The following C19orf33 variants were observed in gnomAD, a reference collection of about 807,000 sequenced individuals.
C19orf33 encodes the protein immortalization up-regulated protein.
A neutral mutation model predicts 9.7 loss-of-function variants in C19orf33; 9 were observed. The ratio of observed to expected loss-of-function variants is 0.93; its 90% confidence interval spans 0.56 to 1.61. The LOEUF (loss-of-function observed/expected upper bound fraction) is 1.61, where lower values mean the gene tolerates loss of function less well. Ranked by LOEUF, C19orf33 falls within the 40% of genes most tolerant of loss-of-function variation. The probability of loss-of-function intolerance (pLI) is 0.00; values close to 1 mark genes in which losing one functional copy is unlikely to be tolerated. For synonymous variants in C19orf33, 61 were observed against 54.8 expected, an observed-to-expected ratio of 1.11 and a Z score of -0.50; for missense variants, 145 against 137.9, an observed-to-expected ratio of 1.05 and a Z score of -0.26.
intron 3 of C19orf33, 73 bp downstream of exon 3, chr19:38,304,759 C>CG (rs1047335863): frequency 6.2e-7 from 1 of 1,611,308 alleles, no homozygotes; most frequent in African/African-American, 1.3e-5. Context: ...CTGGGGCTGG[C>CG]GGGGAGGGTG....
intron 1 of C19orf33, 29 bp from the exon 2 acceptor site, chr19:38,304,346 T>C: frequency 6.2e-7 from 1 of 1,608,866 alleles, no homozygotes; most frequent in Non-Finnish European, 8.5e-7. Flanking sequence ...AGAAGCTGCC[T>C]GCACCAACCA....
chr19:38,304,506 A>ACCTT lies in C19orf33; in HGVS notation c.138+18_138+19insTTCC. 6.4e-7 allele frequency: 1 copy of ACCTT among 1,561,276 alleles called. No homozygotes were observed. ...GGGTCCAAAGGTAAGTCGCCTCATCACCGGCTGCGGAGGGGCGGGAAGGCT... is the reference window on the plus strand; with the variant it reads ...GGGTCCAAAGGTAAGTCGCCTCATCACCTTCCGGCTGCGGAGGGGCGGGAAGGCT... On this transcript the variant is annotated intron_variant, in intron 2 of 3. Transcript: ENST00000301246.
Position 38,304,406 on chromosome 19 carries a change from G to C in C19orf33, c.54G>C (p.Val18=), listed in dbSNP as rs780165916. The change falls in exon 2 of 4, where the codon GTG becomes GTC. Residue 18 remains valine (V), a synonymous_variant. Transcript: ENST00000301246. ...AGCCCACCTCCCAGAAGCCCGGTGTGGGGGCGGGCCACGGGGGAGATCCCA... is the reference window on the plus strand; with the variant it reads ...AGCCCACCTCCCAGAAGCCCGGTGTCGGGGCGGGCCACGGGGGAGATCCCA... ...ALEPTSQKPG[V]GAGHGGDPKL... The C allele has an allele frequency of 2.5e-6, 4 of 1,570,224 alleles. No homozygotes were observed. The highest frequency in any genetic ancestry group is 1.7e-6 in the Non-Finnish European group (2 of 1,158,400).
At position 38,304,872 on chromosome 19, in the gene C19orf33, G is replaced by A; in HGVS notation, c.229G>A (p.Glu77Lys). 1.2e-6 allele frequency: 2 copies of A among 1,613,678 alleles called. No homozygotes were observed. Among genetic ancestry groups the A allele is most frequent in the Non-Finnish European group, 1.7e-6 (2 of 1,179,990 alleles). ...CCACGCTGCTGGCTCCAAGCAGCAC[G>A]AGAGCATCCCGGGCAAGGCCAAGAA... is the stretch of plus-strand genomic sequence containing the variant. ...KSHAAGSKQH[E>K]SIPGKAKKPK... Residue 77 changes from glutamate to lysine, a missense_variant, in exon 4 of 4, where the codon GAG becomes AAG. Glu to Lys is a moderately conservative substitution (Grantham distance 56, BLOSUM62 1). Transcript: ENST00000301246.
chr19:38,304,706 G>T lies in C19orf33; in HGVS notation c.201+20G>T, dbSNP rs751704113. On this transcript the variant is annotated intron_variant, in intron 3 of 3. Transcript: ENST00000301246. The stretch of plus-strand genomic sequence containing the variant: ...GTGAAGGTAAGGGGCTCTCGCCAGC[G>T]TCCCCAAGCACGTGCCCTGCACCCC... The T allele has an allele frequency of 1.9e-6, 3 of 1,613,526 alleles. No individual in the cohort carries two copies. Among genetic ancestry groups the T allele is most frequent in the Non-Finnish European group, 2.5e-6 (3 of 1,179,964 alleles).
In C19orf33 at chr19:38,304,594, G is replaced by A. The variant is rs372833508; in HGVS notation, c.139-30G>A. ...CCAACTTCAGGGGGCTGGGTAAGGGGCGCCGCCTCACTGCCGCACCTCCAT... is the reference window on the plus strand; with the variant it reads ...CCAACTTCAGGGGGCTGGGTAAGGGACGCCGCCTCACTGCCGCACCTCCAT... On this transcript the variant is annotated intron_variant, in intron 2 of 3. Coordinates refer to ENST00000301246, the MANE Select transcript of C19orf33 (RefSeq NM_033520.3). The A allele has an allele frequency of 3.0e-5, 48 of 1,612,628 alleles. No homozygotes were observed. In the African/African-American group the frequency reaches 6.0e-4, roughly 20 times the overall value.
chr19:38,304,945 A>AG lies in C19orf33; in HGVS notation c.303dup (p.Lys102GlufsTer?), dbSNP rs756436068. Reference sequence around the variant, plus strand: ...AAGGGCAAGAAGGAGAAGGGCAAGAAGAAGGAGGCTCCCCACTGAAGGGCC... The same window carrying AG: ...AAGGGCAAGAAGGAGAAGGGCAAGAAGGAAGGAGGCTCCCCACTGAAGGGCC... On this transcript the variant is annotated frameshift_variant, in exon 4 of 4. Transcript: ENST00000301246. LOFTEE classifies it high-confidence loss of function. The AG allele has an allele frequency of 1.9e-6, 3 of 1,610,526 alleles. No homozygotes were observed. Among genetic ancestry groups the AG allele is most frequent in the South Asian group, 1.1e-5 (1 of 90,680 alleles).
chr19:38,304,454 G>C lies in C19orf33; in HGVS notation c.102G>C (p.Gln34His). 1 of 1,556,710 alleles carries C rather than the reference G, an allele frequency of 6.4e-7. No homozygotes were observed. Among genetic ancestry groups the C allele is most frequent in the East Asian group, 2.4e-5 (1 of 41,644 alleles). The stretch of plus-strand genomic sequence containing the variant: ...CCAAGCTCAGTCCCCACAAAGTTCA[G>C]GGCCGGTCGGAGGCAGGGGCAGGTC... Reference protein sequence around the residue: ...GDPKLSPHKVQGRSEAGAGPG... With the variant: ...GDPKLSPHKVHGRSEAGAGPG... Residue 34 changes from glutamine (Q) to histidine (H), a missense_variant, in exon 2 of 4, where the codon CAG becomes CAC. By Grantham distance (24) the Gln-to-His change is conservative. Transcript: ENST00000301246.
rs894171155 is a variant in C19orf33, at chr19:38,304,699, C to G, written c.201+13C>G. The G allele has an allele frequency of 3.1e-6, 5 of 1,613,648 alleles. No individual in the cohort carries two copies. Among genetic ancestry groups the G allele is most frequent in the Non-Finnish European group, 3.4e-6 (4 of 1,179,972 alleles). On this transcript the variant is annotated intron_variant, in intron 3 of 3. Coordinates refer to ENST00000301246, the MANE Select transcript of C19orf33 (RefSeq NM_033520.3). ...CACGGATGTGAAGGTAAGGGGCTCT[C>G]GCCAGCGTCCCCAAGCACGTGCCCT... is the stretch of plus-strand genomic sequence containing the variant.
chr19:38,304,343 G>T, intron 1 of C19orf33, 32 bp from the exon 2 acceptor site: 1 of 1,609,766 alleles, frequency 6.2e-7, no homozygotes, highest in Non-Finnish European at 8.5e-7. Flanking sequence ...CCCAGAAGCT[G>T]CCTGCACCAA....
chr19:38,304,522 C>A (rs1215501983), intron 2 of C19orf33, 32 bp downstream of exon 2: 1 of 1,567,480 alleles, frequency 6.4e-7, no homozygotes, highest in Non-Finnish European at 8.6e-7. Flanking sequence ...TGCGGAGGGG[C>A]GGGAAGGCTG....
At chr19:38,304,784 CCT>C (rs1328692189) in intron 3 of C19orf33, 59 bp from the exon 4 acceptor site, 34 of 1,612,564 alleles carry the variant, frequency 2.1e-5, no homozygotes, top group East Asian at 1.1e-4. Context: ...GAGTGGTCCC[CCT>C]GTCTCGCTTC....
At position 38,304,365 on chromosome 19, in the gene C19orf33, C is replaced by G; in HGVS notation, c.23-10C>G. ...GCTGCCTGCACCAACCACCCAACTT[C>G]TCTCCACAGCCCTGGAGCCCACCTC... On this transcript the variant is annotated splice_polypyrimidine_tract_variant and intron_variant, in intron 1 of 3. Coordinates refer to ENST00000301246, the MANE Select transcript of C19orf33 (RefSeq NM_033520.3). 6.3e-7 allele frequency: 1 copy of G among 1,598,346 alleles called. No individual in the cohort carries two copies. The highest frequency in any genetic ancestry group is 8.5e-7 in the Non-Finnish European group (1 of 1,173,666).
chr19:38,304,750 T>C, intron 3 of C19orf33, 64 bp downstream of exon 3: 1 of 1,611,076 alleles, frequency 6.2e-7, no homozygotes, highest in Middle Eastern at 1.7e-4. Context: ...GTCCCCGCAC[T>C]GGGGCTGGCG....
At position 38,304,864 on chromosome 19, in the gene C19orf33, A is replaced by G. The variant is rs575882929; in HGVS notation, c.221A>G (p.Lys74Arg). The G allele has an allele frequency of 4.3e-6, 7 of 1,613,738 alleles. No homozygotes were observed. In the African/African-American group the frequency reaches 6.7e-5, roughly 15 times the overall value. The stretch of plus-strand genomic sequence containing the variant: ...CCACAGTCCCACGCTGCTGGCTCCA[A>G]GCAGCACGAGAGCATCCCGGGCAAG... The part of the protein sequence containing the change: ...TDVKSHAAGS[K>R]QHESIPGKAK... The change falls in exon 4 of 4, where the codon AAG becomes AGG. Residue 74 changes from lysine to arginine, a missense_variant. Transcript: ENST00000301246.
chr19:38,304,462 C>T lies in C19orf33; in HGVS notation c.110C>T (p.Ser37Leu), dbSNP rs373145066. 2.6e-6 allele frequency: 4 copies of T among 1,555,976 alleles called. No homozygotes were observed. The highest frequency in any genetic ancestry group is 2.7e-5 in the African/African-American group (2 of 73,506). Residue 37 changes from serine (S) to leucine (L), a missense_variant, in exon 2 of 4, where the codon TCG becomes TTG. Transcript: ENST00000301246. ...AGTCCCCACAAAGTTCAGGGCCGGTCGGAGGCAGGGGCAGGTCCGGGTCCA... is the reference window on the plus strand; with the variant it reads ...AGTCCCCACAAAGTTCAGGGCCGGTTGGAGGCAGGGGCAGGTCCGGGTCCA... ...KLSPHKVQGR[S>L]EAGAGPGPKQ...
At position 38,304,994 on chromosome 19, in the gene C19orf33, C is replaced by G. The variant is rs1968939088; in HGVS notation, c.*30C>G. 1.3e-6 allele frequency: 2 copies of G among 1,571,052 alleles called. No individual in the cohort carries two copies. Among genetic ancestry groups the G allele is most frequent in the Non-Finnish European group, 1.7e-6 (2 of 1,158,634 alleles). ...CCCTGGACAGGGCTCATTAAACCTT[C>G]CTCTCTGCCTTCTGCGACTGGTCAG... On this transcript the variant is annotated 3_prime_UTR_variant, in exon 4 of 4. Coordinates refer to ENST00000301246, the MANE Select transcript of C19orf33 (RefSeq NM_033520.3).
chr19:38,304,797 C>G (rs747733072), intron 3 of C19orf33, 48 bp from the exon 4 acceptor site: 2 of 1,613,220 alleles, frequency 1.2e-6, no homozygotes, highest in Non-Finnish European at 1.7e-6. Context: ...GTCTCGCTTC[C>G]AGCCCAGAAC....
Position 38,304,471 on chromosome 19 carries a change from G to C in C19orf33, c.119G>C (p.Gly40Ala). The change falls in exon 2 of 4, where the codon GGG becomes GCG. Residue 40 changes from glycine (G) to alanine (A), a missense_variant. By Grantham distance (60) the Gly-to-Ala change is moderately conservative (BLOSUM62 0). Transcript: ENST00000301246. ...AAAGTTCAGGGCCGGTCGGAGGCAG[G>C]GGCAGGTCCGGGTCCAAAGGTAAGT... ...PHKVQGRSEA[G>A]AGPGPKQGHH... 2 of 1,555,138 alleles carry C rather than the reference G, an allele frequency of 1.3e-6. No individual in the cohort carries two copies. The highest frequency in any genetic ancestry group is 1.7e-6 in the Non-Finnish European group (2 of 1,149,810).
Sources: gnomAD v4.1 joint callset for allele counts on GRCh38, gnomAD v4.1.1 for gene constraint, MANE v1.5 for transcripts, NCBI Gene and HGNC (gene_info 2026-07-23, HGNC 2026-07-21) for gene names.